The following TMEM255B variants were observed in gnomAD, a reference collection of about 807,000 sequenced individuals.
TMEM255B encodes the protein transmembrane protein 255B, also known as family with sequence similarity 70, member B.
TMEM255B carries 35 observed loss-of-function variants against 34.5 expected under a neutral mutation model. The ratio of observed to expected loss-of-function variants is 1.01; its 90% confidence interval spans 0.77 to 1.34. TMEM255B has a LOEUF of 1.34. Among genes scored for constraint, TMEM255B ranks in the 40% most tolerant of loss-of-function variants. The probability of loss-of-function intolerance (pLI) is 0.00; values close to 1 mark genes in which losing one functional copy is unlikely to be tolerated. For synonymous variants in TMEM255B, 206 were observed against 201.2 expected, an observed-to-expected ratio of 1.02 and a Z score of -0.20; for missense variants, 432 against 433.2, an observed-to-expected ratio of 1.00 and a Z score of 0.02.
Position 113,812,989 on chromosome 13 carries a change from TGGGTCACGGGTCCC to T in TMEM255B, c.*1088_*1101del, listed in dbSNP as rs1387185056. 7.5e-6 allele frequency: 1 copy of T among 133,916 alleles called. No homozygotes were observed. Among genetic ancestry groups the T allele is most frequent in the Non-Finnish European group, 1.5e-5 (1 of 66,012 alleles). 8.3% of individuals were successfully genotyped at this position (133,916 alleles called of 1,614,324 possible). On this transcript the variant is annotated 3_prime_UTR_variant, in exon 9 of 9. Transcript: ENST00000375353. ...CCCCGGGTGGGTCACGGGTCCCGGG[TGGGTCACGGGTCCC>T]GAGTGGGTCACGGGTCCCGGGTGGG...
chr13:113,802,504 C>A (rs1254317222), intron 7 of TMEM255B, among the ~76,000 whole-genome samples: 1 of 152,174 alleles, frequency 6.6e-6, no homozygotes, highest in African/African-American at 2.4e-5. Context: ...AAACGGCAGC[C>A]CAGGGACGAG....
chr13:113,786,099 G>A (rs1472780800), intron 3 of TMEM255B, among the ~76,000 whole-genome samples: 1 of 152,130 alleles, frequency 6.6e-6, no homozygotes, highest in Non-Finnish European at 1.5e-5. Flanking sequence ...GCATCAAACC[G>A]TGAGGGCTCT....
rs2050310777 is a variant in TMEM255B at position 113,761,675 on chromosome 13, G to A, written c.46+2360G>A. On this transcript the variant is annotated intron_variant, in intron 1 of 8. Transcript: ENST00000375353. Reference sequence around the variant, plus strand: ...CACACCACCCTGATGATTAGCATATGCATTCCATTTACAAAAACCTATATG... The same window carrying A: ...CACACCACCCTGATGATTAGCATATACATTCCATTTACAAAAACCTATATG... Among the ~76,000 whole-genome samples, 3 of 152,186 alleles carry A rather than the reference G, an allele frequency of 2.0e-5. 1 individual carries two copies. The South Asian group carries it at 6.2e-4, about 31-fold the overall frequency.
Position 113,812,103 on chromosome 13 carries a change from G to T in TMEM255B, c.*200G>T. ...AGTGGGGCCCTCCAGACCCAGGCTG[G>T]TGACACCTTGGCTTGGGCTCTGCTC... On this transcript the variant is annotated 3_prime_UTR_variant, in exon 9 of 9. Transcript: ENST00000375353. 1 of 653,784 alleles carries T rather than the reference G, an allele frequency of 1.5e-6. No homozygotes were observed. The highest frequency in any genetic ancestry group is 2.5e-6 in the Non-Finnish European group (1 of 394,478). The allele number at this position is 653,784 out of a possible 1,614,324, so 40.5% of individuals were successfully genotyped here. A position where few individuals can be genotyped will look rare whatever the true frequency, so the allele number is the denominator to read the frequency against.
chr13:113,816,385 A>G lies in TMEM255B; in HGVS notation c.*4482A>G, dbSNP rs1465093014. On this transcript the variant is annotated 3_prime_UTR_variant, in exon 9 of 9. Coordinates refer to ENST00000375353, the MANE Select transcript of TMEM255B (RefSeq NM_182614.4). ...GATGGGTGGACGGCCCCGTGGATGG[A>G]CTGACCACCGACCCATGCTCTGCAC... is the stretch of plus-strand genomic sequence containing the variant. 1 of 160,328 alleles carries G rather than the reference A, an allele frequency of 6.2e-6. No individual in the cohort carries two copies. Among genetic ancestry groups the G allele is most frequent in the Non-Finnish European group, 1.4e-5 (1 of 72,522 alleles). The allele number at this position is 160,328 out of a possible 1,614,324, so 9.9% of individuals were successfully genotyped here. A position where few individuals can be genotyped will look rare whatever the true frequency, so the allele number is the denominator to read the frequency against.
chr13:113,773,721 C>T (rs1386062995), intron 3 of TMEM255B, among the ~76,000 whole-genome samples: 1 of 152,222 alleles, frequency 6.6e-6, no homozygotes, highest in Non-Finnish European at 1.5e-5. Flanking sequence ...ACCTGGCTGT[C>T]CGTGAGTGCT....
chr13:113,762,821 G>A (rs919842406), intron 1 of TMEM255B, among the ~76,000 whole-genome samples: 54 of 152,334 alleles, frequency 3.5e-4, no homozygotes, highest in African/African-American at 1.2e-3. Context: ...CCTGTGGGTC[G>A]AAGCAGACGC....
intron 3 of TMEM255B, among the ~76,000 whole-genome samples, chr13:113,776,121 G>A (rs1280249234): frequency 6.6e-6 from 1 of 152,114 alleles, no homozygotes; most frequent in East Asian, 1.9e-4. Flanking sequence ...GTTCAAAGAG[G>A]ACCCTGTCCC....
At chr13:113,759,418 G>A (rs1482214362) in intron 1 of TMEM255B, 103 bp downstream of exon 1, 1 of 1,077,426 alleles carries the variant, frequency 9.3e-7, no homozygotes, top group Non-Finnish European at 1.2e-6. Flanking sequence ...AACCTGCGCG[G>A]AGACGCGGCA....
chr13:113,779,927 G>A (rs1415045300), intron 3 of TMEM255B, among the ~76,000 whole-genome samples: 1 of 152,146 alleles, frequency 6.6e-6, no homozygotes, highest in South Asian at 2.1e-4. Flanking sequence ...TGGTAGGACT[G>A]GTTTACTTTA....
At chr13:113,810,537 T>A (rs1253695374) in intron 8 of TMEM255B, among the ~76,000 whole-genome samples, 1 of 152,088 alleles carries the variant, frequency 6.6e-6, no homozygotes, top group Non-Finnish European at 1.5e-5. Context: ...AAGAGAGAGA[T>A]CAATCCATCG....
rs2050806257 is a variant in TMEM255B at position 113,790,150 on chromosome 13, A to ATG, written c.253-4997_253-4996dup. ...TCCTAGTGCTGGACTGACCGGGCAC[A>ATG]TGGACATCCTAACACTGAACTGACC... On this transcript the variant is annotated intron_variant, in intron 3 of 8. Coordinates refer to ENST00000375353, the MANE Select transcript of TMEM255B (RefSeq NM_182614.4). Among the ~76,000 whole-genome samples the ATG allele has an allele frequency of 5.8e-5, 6 of 102,840 alleles. No homozygotes were observed. The South Asian group carries it at 2.1e-3, about 36-fold the overall frequency. 67.5% of individuals were successfully genotyped at this position (102,840 alleles called of 152,430 possible). A position where few individuals can be genotyped will look rare whatever the true frequency, so the allele number is the denominator to read the frequency against.
rs2050464582 is a variant in TMEM255B, at chr13:113,770,710, G to A, written c.252+1550G>A. Among the ~76,000 whole-genome samples the A allele has an allele frequency of 6.6e-6, 1 of 152,236 alleles. No homozygotes were observed. On this transcript the variant is annotated intron_variant, in intron 3 of 8. Transcript: ENST00000375353. This position sits in a 1 kb window ranked among gnomAD's most constrained non-coding sequence, Gnocchi z 4.6. ...GAGGGTGGGCGTCACAGCTGACCAG[G>A]GTGGGCAAAGGCCTCACACACACCA...
At chr13:113,764,295 A>G (rs2050354116) in intron 1 of TMEM255B, among the ~76,000 whole-genome samples, 1 of 151,988 alleles carries the variant, frequency 6.6e-6, no homozygotes, top group Admixed American at 6.5e-5. Context: ...TCACCCCTCT[A>G]GGTTTATTCA....
At chr13:113,771,848 A>T (rs2050483802) in intron 3 of TMEM255B, among the ~76,000 whole-genome samples, 2 of 152,136 alleles carry the variant, frequency 1.3e-5, no homozygotes, top group Non-Finnish European at 2.9e-5. Context: ...ATGCATTTAC[A>T]TTTCTTTTGG....
chr13:113,809,722 C>T (rs571768942), intron 8 of TMEM255B, among the ~76,000 whole-genome samples: 9 of 151,850 alleles, frequency 5.9e-5, no homozygotes, highest in South Asian at 2.1e-4. Context: ...ATGGTTCACT[C>T]GGTGGTTCCT....
At chr13:113,807,881 C>T (rs1462793755) in intron 8 of TMEM255B, among the ~76,000 whole-genome samples, 3 of 152,138 alleles carry the variant, frequency 2.0e-5, no homozygotes, top group Admixed American at 6.5e-5. Context: ...GGCACAGGGG[C>T]AGATCCACTT....
intron 3 of TMEM255B, among the ~76,000 whole-genome samples, chr13:113,779,977 A>G (rs554370137): frequency 7.1e-4 from 108 of 152,340 alleles, no homozygotes; most frequent in Middle Eastern, 3.4e-3. Context: ...TGCAGCAAGA[A>G]TAATTATTTT....
intron 5 of TMEM255B, chr13:113,799,803 CAT>C: frequency 1.5e-6 from 1 of 645,950 alleles, no homozygotes; most frequent in Non-Finnish European, 2.9e-6. Flanking sequence ...AGTGTGACCT[CAT>C]TTCTCTTTCC....
Sources: gnomAD v4.1 joint callset for allele counts (sites outside exome capture counted in the v4.1 genomes callset) on GRCh38, gnomAD v4.1.1 for gene constraint, Gnocchi (gnomAD v3.1) non-coding constraint, MANE v1.5 for transcripts, NCBI Gene and HGNC (gene_info 2026-07-23, HGNC 2026-07-21) for gene names.